The following CBLL1 variants were observed in gnomAD, a reference collection of about 807,000 sequenced individuals.
The protein encoded by CBLL1 is E3 ubiquitin-protein ligase Hakai.
In CBLL1, 4 loss-of-function variants were observed where a neutral mutation model predicts 44.9. That is an observed-to-expected ratio of 0.09 (90% CI 0.04 to 0.20). The LOEUF (loss-of-function observed/expected upper bound fraction) is 0.20, where lower values mean the gene tolerates loss of function less well. Ranked by LOEUF, CBLL1 falls within the 10% of genes least tolerant of loss-of-function variation. The pLI, the probability that CBLL1 is intolerant of heterozygous loss-of-function variation, is 1.00. For synonymous variants in CBLL1, 235 were observed against 202.2 expected (o/e 1.16, Z -1.38); for missense variants, 569 against 636.7 (o/e 0.89, Z 1.14).
chr7:107,757,056 G>A (rs1259178600), intron 5 of CBLL1, among the ~76,000 whole-genome samples: 1 of 152,132 alleles, frequency 6.6e-6, no homozygotes, highest in Admixed American at 6.6e-5. Context: ...ACATCAATAA[G>A]GAGTGCCAGC....
chr7:107,758,736 C>G lies in CBLL1; in HGVS notation c.1034C>G (p.Pro345Arg). The G allele has an allele frequency of 6.2e-7, 1 of 1,613,876 alleles. No individual in the cohort carries two copies. Among genetic ancestry groups the G allele is most frequent in the Non-Finnish European group, 8.5e-7 (1 of 1,179,954 alleles). ...MPPQQHYAPPPPPPPPISHPM... is the reference protein window; with the variant it reads ...MPPQQHYAPPRPPPPPISHPM... ...CCACAGCAACATTATGCACCACCCC[C>G]ACCTCCTCCACCACCAATAAGCCAT... is the stretch of plus-strand genomic sequence containing the variant. Residue 345 changes from proline (P) to arginine (R), a missense_variant, in exon 6 of 6, where the codon CCA becomes CGA. By Grantham distance (103) the Pro-to-Arg change is moderately radical. This residue lies in a region of CBLL1 where 228 missense variants were observed against 253.2 expected (regional missense o/e 0.90). Coordinates refer to ENST00000440859, the MANE Select transcript of CBLL1 (RefSeq NM_024814.4). The surrounding 1 kb of genome is among the most constrained non-coding windows in gnomAD (Gnocchi z 4.2).
At chr7:107,745,657 C>T (rs896814125) in intron 1 of CBLL1, among the ~76,000 whole-genome samples, 9 of 152,074 alleles carry the variant, frequency 5.9e-5, no homozygotes, top group African/African-American at 2.2e-4. Context: ...TAGCTGATTG[C>T]AGTAGACGGG....
rs1416263176 is a variant in CBLL1, at chr7:107,758,259, T to C, written c.557T>C (p.Ile186Thr). ...YLSQRDLQAH[I>T]NHRHMRAGKP... ...TCTCAGAGAGACTTACAGGCTCATA[T>C]CAACCATCGCCATATGAGAGCTGGA... The change falls in exon 6 of 6, where the codon ATC (isoleucine) becomes ACC (threonine). Residue 186 changes from isoleucine to threonine, a missense_variant. Coordinates refer to ENST00000440859, the MANE Select transcript of CBLL1 (RefSeq NM_024814.4). The surrounding 1 kb of genome is among the most constrained non-coding windows in gnomAD (Gnocchi z 4.2). 6.2e-7 allele frequency: 1 copy of C among 1,614,132 alleles called. No individual in the cohort carries two copies. The highest frequency in any genetic ancestry group is 8.5e-7 in the Non-Finnish European group (1 of 1,180,006).
chr7:107,745,474 G>A (rs1792969825), intron 1 of CBLL1, among the ~76,000 whole-genome samples: 1 of 152,180 alleles, frequency 6.6e-6, no homozygotes, highest in Non-Finnish European at 1.5e-5. Context: ...TGGAAAGGAG[G>A]GCAGCAGGCA....
At position 107,753,461 on chromosome 7, in the gene CBLL1, C is replaced by G; in HGVS notation, c.232C>G (p.Leu78Val). ...ACGGTATGACTGTAAAGGGGGTGAG[C>G]TGTTTGCAAATCAGCGAAGATTTCC... ...EERYDCKGGE[L>V]FANQRRFPGH... is the part of the protein sequence containing the mutation. Residue 78 changes from leucine (L) to valine (V), a missense_variant, in exon 3 of 6, where the codon CTG (leucine) becomes GTG (valine). Physicochemically the swap from Leu to Val is conservative, Grantham distance 32. Coordinates refer to ENST00000440859, the MANE Select transcript of CBLL1 (RefSeq NM_024814.4). 1 of 1,590,968 alleles carries G rather than the reference C, an allele frequency of 6.3e-7. No homozygotes were observed. The highest frequency in any genetic ancestry group is 8.5e-7 in the Non-Finnish European group (1 of 1,171,302).
At position 107,758,079 on chromosome 7, in the gene CBLL1, T is replaced by G; in HGVS notation, c.441-64T>G. On this transcript the variant is annotated intron_variant, in intron 5 of 5. Transcript: ENST00000440859. The surrounding 1 kb of genome is among the most constrained non-coding windows in gnomAD (Gnocchi z 4.2). ...CAAATTTTAAAAACAAGCATATTTT[T>G]GAAAATTACATAATTTTTTGTATTC... is the stretch of plus-strand genomic sequence containing the variant. 4.2e-6 allele frequency: 6 copies of G among 1,422,278 alleles called. No individual in the cohort carries two copies. The highest frequency in any genetic ancestry group is 5.7e-6 in the Non-Finnish European group (6 of 1,055,998). 88.1% of individuals were successfully genotyped at this position (1,422,278 alleles called of 1,614,324 possible).
chr7:107,753,356 C>A, intron 2 of CBLL1, 55 bp from the exon 3 acceptor site: 1 of 1,249,898 alleles, frequency 8.0e-7, no homozygotes, highest in Non-Finnish European at 1.1e-6. Context: ...ATATGTGCTT[C>A]CAAAATGAAA....
In CBLL1 at chr7:107,759,221, A is replaced by T; in HGVS notation, c.*43A>T. 1 of 1,492,070 alleles carries T rather than the reference A, an allele frequency of 6.7e-7. No individual in the cohort carries two copies. The highest frequency in any genetic ancestry group is 9.0e-7 in the Non-Finnish European group (1 of 1,108,882). 92.4% of individuals were successfully genotyped at this position (1,492,070 alleles called of 1,614,324 possible). A position where few individuals can be genotyped will look rare whatever the true frequency, so the allele number is the denominator to read the frequency against. ...GAAGATATGAGGGGGAAAAAAACTT[A>T]TGTGTAGTCAATCTTTTAAGCTTTG... On this transcript the variant is annotated 3_prime_UTR_variant, in exon 6 of 6. Transcript: ENST00000440859.
chr7:107,746,345 C>G (rs549213675), intron 1 of CBLL1, among the ~76,000 whole-genome samples: 2 of 152,224 alleles, frequency 1.3e-5, no homozygotes, highest in East Asian at 3.9e-4. Context: ...AATGAGCTGA[C>G]CACTTAAAAA....
Position 107,759,424 on chromosome 7 carries a change from T to C in CBLL1, c.*246T>C. The C allele has an allele frequency of 2.7e-6, 1 of 369,708 alleles. No individual in the cohort carries two copies. The allele number at this position is 369,708 out of a possible 1,614,324, so 22.9% of individuals were successfully genotyped here. ...TTAACATCTCTTTGTTCCCCTAGTT[T>C]AGTAAATTGACCCAGAGGTGACCAT... is the stretch of plus-strand genomic sequence containing the variant. On this transcript the variant is annotated 3_prime_UTR_variant, in exon 6 of 6. Coordinates refer to ENST00000440859, the MANE Select transcript of CBLL1 (RefSeq NM_024814.4).
chr7:107,751,015 C>A (rs1793265203), intron 2 of CBLL1, among the ~76,000 whole-genome samples: 1 of 151,038 alleles, frequency 6.6e-6, no homozygotes, highest in South Asian at 2.1e-4. Flanking sequence ...TGTCCCAACT[C>A]TTTTCCTTGC....
chr7:107,744,216 C>G (rs964924934), intron 1 of CBLL1, 40 bp downstream of exon 1: 3 of 1,534,650 alleles, frequency 2.0e-6, no homozygotes, highest in Non-Finnish European at 1.8e-6. Flanking sequence ...GTTCCAAGCC[C>G]CCTTGGCCGG....
intron 3 of CBLL1, 129 bp from the exon 4 acceptor site, chr7:107,753,766 G>C: frequency 1.8e-6 from 1 of 552,462 alleles, no homozygotes; most frequent in Non-Finnish European, 3.0e-6. Flanking sequence ...GGAATAAATG[G>C]AGATTATACC....
rs779466531 is a variant in CBLL1 at position 107,753,550 on chromosome 7, A to G, written c.282+39A>G. On this transcript the variant is annotated intron_variant, in intron 3 of 5. Transcript: ENST00000440859. ...TGAAAAATTGTATTATAACAATAAA[A>G]TATTTTAAGTATTAAATACTTAAAA... The G allele has an allele frequency of 2.5e-6, 3 of 1,177,020 alleles. No homozygotes were observed. In the Admixed American group the frequency reaches 7.7e-5, roughly 30 times the overall value. 72.9% of individuals were successfully genotyped at this position (1,177,020 alleles called of 1,614,324 possible).
At chr7:107,748,381 A>G (rs1326502391) in intron 1 of CBLL1, among the ~76,000 whole-genome samples, 1 of 152,112 alleles carries the variant, frequency 6.6e-6, no homozygotes, top group Non-Finnish European at 1.5e-5. Flanking sequence ...TCTTAACTTC[A>G]TTTTCAAACG....
At chr7:107,757,538 C>A (rs958826934) in intron 5 of CBLL1, among the ~76,000 whole-genome samples, 1 of 152,142 alleles carries the variant, frequency 6.6e-6, no homozygotes, top group Non-Finnish European at 1.5e-5. Context: ...TTAGTGCTCA[C>A]AAATTAGAAA....
Position 107,758,935 on chromosome 7 carries a change from T to C in CBLL1, c.1233T>C (p.His411=). 1 of 1,613,450 alleles carries C rather than the reference T, an allele frequency of 6.2e-7. No individual in the cohort carries two copies. The highest frequency in any genetic ancestry group is 1.3e-5 in the African/African-American group (1 of 74,950). ...CTCCAGGACCTCCCCCACCTCAACA[T>C]GGTGGTCCACCTGTAACTGCACCCC... is the stretch of plus-strand genomic sequence containing the variant. ...HPPPGPPPPQ[H]GGPPVTAPPP... Residue 411 remains histidine (H), a synonymous_variant, in exon 6 of 6, where the codon CAT becomes CAC. Coordinates refer to ENST00000440859, the MANE Select transcript of CBLL1 (RefSeq NM_024814.4). This position sits in a 1 kb window ranked among gnomAD's most constrained non-coding sequence, Gnocchi z 4.2.
rs1222042939 is a variant in CBLL1, at chr7:107,759,624, T to C, written c.*446T>C. ...GAATTTAAGTGCAGCCACATACTGT[T>C]TTTTAAACCATATGTTTTACCACTA... On this transcript the variant is annotated 3_prime_UTR_variant, in exon 6 of 6. Coordinates refer to ENST00000440859, the MANE Select transcript of CBLL1 (RefSeq NM_024814.4). 2 of 153,902 alleles carry C rather than the reference T, an allele frequency of 1.3e-5. No individual in the cohort carries two copies. Among genetic ancestry groups the C allele is most frequent in the Non-Finnish European group, 2.9e-5 (2 of 68,918 alleles). 9.5% of individuals were successfully genotyped at this position (153,902 alleles called of 1,614,324 possible). A position where few individuals can be genotyped will look rare whatever the true frequency, so the allele number is the denominator to read the frequency against.
At chr7:107,753,617 A>C (rs1438546592) in intron 3 of CBLL1, 106 bp downstream of exon 3, 1 of 604,540 alleles carries the variant, frequency 1.7e-6, no homozygotes, top group African/African-American at 1.9e-5. Context: ...GAATATTATG[A>C]ACTTATAACT....
Sources: gnomAD v4.1 joint callset for allele counts (sites outside exome capture counted in the v4.1 genomes callset) on GRCh38, gnomAD v4.1.1 for gene constraint, gnomAD v4.1.1 regional missense constraint, Gnocchi (gnomAD v3.1) non-coding constraint, MANE v1.5 for transcripts, NCBI Gene and HGNC (gene_info 2026-07-23, HGNC 2026-07-21) for gene names.